The following SLC39A10 variants were observed in gnomAD, a reference collection of about 807,000 sequenced individuals.
SLC39A10 encodes the protein solute carrier family 39 member 10.
In SLC39A10, 13 loss-of-function variants were observed where a neutral mutation model predicts 65.1. The ratio of observed to expected loss-of-function variants is 0.20; its 90% CI spans 0.13 to 0.32. The LOEUF is 0.32. Among genes scored for constraint, SLC39A10 ranks in the 10% least tolerant of loss-of-function variants. The pLI, the probability that SLC39A10 is intolerant of heterozygous loss-of-function variation, is 1.00. For missense variants in SLC39A10, 831 were observed against 1,018.4 expected (o/e 0.82, Z 2.50); for synonymous variants, 321 against 342.2 (o/e 0.94, Z 0.68).
intron 1 of SLC39A10, chr2:195,674,484 T>G: frequency 1.9e-6 from 1 of 518,316 alleles, no homozygotes; most frequent in South Asian, 8.5e-5. Flanking sequence ...ACCATGTTGG[T>G]CAGGCTGGTC....
intron 3 of SLC39A10, among the ~76,000 whole-genome samples, chr2:195,698,897 T>A (rs1691078212): frequency 6.6e-6 from 1 of 152,032 alleles, no homozygotes; most frequent in African/African-American, 2.4e-5. Context: ...GTATTAGTTC[T>A]TCTTTAAATG....
At chr2:195,685,909 A>C (rs775382843) in intron 3 of SLC39A10, among the ~76,000 whole-genome samples, 2 of 152,232 alleles carry the variant, frequency 1.3e-5, no homozygotes, top group African/African-American at 2.4e-5. Flanking sequence ...ACTTGTTGAA[A>C]TGTGTCTTTG....
chr2:195,657,292 A>G lies in SLC39A10; in HGVS notation c.-12+11A>G, dbSNP rs1344749044. The G allele has an allele frequency of 1.3e-6, 1 of 743,748 alleles. No individual in the cohort carries two copies. The highest frequency in any genetic ancestry group is 1.6e-6 in the Non-Finnish European group (1 of 609,294). The allele number at this position is 743,748 out of a possible 1,614,324, so 46.1% of individuals were successfully genotyped here. A position where few individuals can be genotyped will look rare whatever the true frequency, so the allele number is the denominator to read the frequency against. ...GCACTCGAGTGTGAGGTAACTATAA[A>G]ACCCCGATTTGTTTACATTCCCTCC... On this transcript the variant is annotated intron_variant, in intron 1 of 9. Transcript: ENST00000359634.
chr2:195,648,217 T>C (rs924481265), intron 2 of SLC39A10, among the ~76,000 whole-genome samples: 3 of 151,578 alleles, frequency 2.0e-5, no homozygotes, highest in African/African-American at 7.3e-5. Flanking sequence ...AGACTGGTCT[T>C]GAACTCCTGG....
intron 1 of SLC39A10, among the ~76,000 whole-genome samples, chr2:195,663,013 C>T (rs903764712): frequency 3.1e-4 from 47 of 152,238 alleles, no homozygotes; most frequent in African/African-American, 6.7e-4. Context: ...TGCTTGGAGT[C>T]GGAAAAGGAA....
At chr2:195,657,638 G>C in intron 1 of SLC39A10, 3 of 985,262 alleles carry the variant, frequency 3.0e-6, no homozygotes, top group Non-Finnish European at 3.6e-6. Context: ...GCCGCGCCCG[G>C]GGTGGGGGAG....
At chr2:195,647,721 C>T (rs561436649) in intron 2 of SLC39A10, among the ~76,000 whole-genome samples, 4 of 145,786 alleles carry the variant, frequency 2.7e-5, no homozygotes, top group South Asian at 2.3e-4. Context: ...ACCACCACCA[C>T]GAGACTACAG....
chr2:195,657,504 C>T (rs969635106), intron 1 of SLC39A10: 28 of 985,318 alleles, frequency 2.8e-5, no homozygotes, highest in Non-Finnish European at 8.4e-6. Context: ...TGTTGGGCGC[C>T]GCGGCTCCTC....
chr2:195,650,632 T>TA (rs1689012425), intron 2 of SLC39A10, among the ~76,000 whole-genome samples: 2 of 152,222 alleles, frequency 1.3e-5, no homozygotes, highest in South Asian at 4.1e-4. Flanking sequence ...AGGCAGATCA[T>TA]AAAAAAGTTA....
At chr2:195,646,108 G>A (rs1340477251) in intron 2 of SLC39A10, among the ~76,000 whole-genome samples, 3 of 151,956 alleles carry the variant, frequency 2.0e-5, no homozygotes, top group African/African-American at 7.3e-5. Flanking sequence ...ACCATGCCTG[G>A]CTAATTTTTG....
chr2:195,677,749 A>ATT (rs58648222), intron 1 of SLC39A10, among the ~76,000 whole-genome samples: 14 of 119,054 alleles, frequency 1.2e-4, no homozygotes, highest in Admixed American at 1.8e-4. Context: ...CTTTTATCAG[A>ATT]TTTTTTTTTT....
intron 2 of SLC39A10, among the ~76,000 whole-genome samples, chr2:195,632,290 C>CTT (rs202193660): frequency 0.025 from 1,718 of 69,216 alleles, 457 homozygotes; most frequent in African/African-American, 0.039. Flanking sequence ...ATTCTACTTC[C>CTT]TTTTTTTTTT....
chr2:195,655,285 C>A (rs1364642440), upstream of SLC39A10, among the ~76,000 whole-genome samples: 1 of 152,064 alleles, frequency 6.6e-6, no homozygotes, highest in Admixed American at 6.6e-5. Flanking sequence ...TGAAGTATTT[C>A]AGTATTTGAT....
intron 2 of SLC39A10, among the ~76,000 whole-genome samples, chr2:195,615,915 T>C (rs1277786442): frequency 6.6e-6 from 1 of 152,254 alleles, no homozygotes; most frequent in Non-Finnish European, 1.5e-5. Context: ...TGTATTTATC[T>C]TAACCTCCTT....
At chr2:195,617,961 A>G (rs62203573) in intron 2 of SLC39A10, among the ~76,000 whole-genome samples, 14,174 of 149,260 alleles carry the variant, frequency 0.095, 859 homozygotes, top group Admixed American at 0.19. Context: ...GGATGGTCTC[A>G]ATCTCCAGAC....
upstream of SLC39A10, among the ~76,000 whole-genome samples, chr2:195,654,101 G>A (rs1001498594): frequency 6.6e-6 from 1 of 152,060 alleles, no homozygotes; most frequent in Non-Finnish European, 1.5e-5. Flanking sequence ...CACCAAGCCT[G>A]GCTAATTTTG....
At chr2:195,696,334 A>AAC (rs1690960173) in intron 3 of SLC39A10, among the ~76,000 whole-genome samples, 1 of 136,980 alleles carries the variant, frequency 7.3e-6, no homozygotes, top group African/African-American at 2.6e-5. Flanking sequence ...AAAAAAAAAA[A>AAC]ACCTATCATT....
At chr2:195,638,248 C>T (rs1359112471) in intron 2 of SLC39A10, among the ~76,000 whole-genome samples, 1 of 152,158 alleles carries the variant, frequency 6.6e-6, no homozygotes, top group Admixed American at 6.5e-5. Flanking sequence ...CTGCCTCAGC[C>T]TCCCAAAGTG....
intron 4 of SLC39A10, 45 bp downstream of exon 4, chr2:195,706,830 T>C (rs1691415561): frequency 7.3e-7 from 1 of 1,368,206 alleles, no homozygotes; most frequent in South Asian, 1.8e-5. Context: ...AATAAAAATA[T>C]TTAAGCTGAA....
Sources: gnomAD v4.1 joint callset for allele counts (sites outside exome capture counted in the v4.1 genomes callset) on GRCh38, gnomAD v4.1.1 for gene constraint, MANE v1.5 for transcripts, NCBI Gene and HGNC (gene_info 2026-07-23, HGNC 2026-07-21) for gene names.